The following ARHGAP15 variants were observed in gnomAD, a reference collection of about 807,000 sequenced individuals.
The protein encoded by ARHGAP15 is rho GTPase-activating protein 15.
Under a neutral mutation model 63.7 loss-of-function variants are expected in ARHGAP15, and 51 were observed. The observed-to-expected ratio is 0.80, with a 90% CI of 0.64 to 1.01. ARHGAP15 has a LOEUF of 1.01. ARHGAP15 is among the 50% of genes least tolerant of loss of function. The pLI, the probability that ARHGAP15 is intolerant of heterozygous loss-of-function variation, is 0.00. For synonymous variants in ARHGAP15, 191 were observed against 193.8 expected (o/e 0.99, Z 0.12); for missense variants, 560 against 564.6 (o/e 0.99, Z 0.08).
intron 6 of ARHGAP15, among the ~76,000 whole-genome samples, chr2:143,415,559 C>A (rs909563371): frequency 5.9e-5 from 9 of 152,092 alleles, no homozygotes; most frequent in Non-Finnish European, 1.3e-4. Context: ...TAAATTGGGA[C>A]ACCATTCTCA....
At chr2:143,671,936 G>C (rs965469328) in intron 12 of ARHGAP15, among the ~76,000 whole-genome samples, 4 of 152,110 alleles carry the variant, frequency 2.6e-5, no homozygotes, top group African/African-American at 9.7e-5. Context: ...CTGAAGATAA[G>C]AGAATTGTCA....
At position 143,614,882 on chromosome 2, in the gene ARHGAP15, G is replaced by A. The variant is rs186738409; in HGVS notation, c.1004-9251G>A. ...AGATAGCTAGGCATCACAAACTATC[G>A]GCAGAGACCGGGAATTGGTGCCACA... On this transcript the variant is annotated intron_variant, in intron 11 of 13. Transcript: ENST00000295095. Among the ~76,000 whole-genome samples the A allele has an allele frequency of 2.9e-3, 446 of 152,274 alleles. 4 individuals are homozygous for A. The highest frequency in any genetic ancestry group is 9.8e-3 in the African/African-American group (407 of 41,542).
intron 13 of ARHGAP15, among the ~76,000 whole-genome samples, chr2:143,724,467 G>A (rs1272533524): frequency 6.6e-6 from 1 of 152,170 alleles, no homozygotes; most frequent in Non-Finnish European, 1.5e-5. Flanking sequence ...ACTACCCCTG[G>A]TGTAAAATTG....
intron 6 of ARHGAP15, among the ~76,000 whole-genome samples, chr2:143,383,717 A>G (rs986774787): frequency 1.3e-5 from 2 of 152,204 alleles, no homozygotes; most frequent in African/African-American, 2.4e-5. Flanking sequence ...AAAACCAGTA[A>G]TTATGTGCCT....
chr2:143,232,364 C>T (rs1179111829), intron 5 of ARHGAP15, among the ~76,000 whole-genome samples: 1 of 152,142 alleles, frequency 6.6e-6, no homozygotes, highest in African/African-American at 2.4e-5. Flanking sequence ...CTCTTTTGCT[C>T]ATCAAGACAG....
At chr2:143,611,170 T>C (rs1455710213) in intron 11 of ARHGAP15, among the ~76,000 whole-genome samples, 2 of 152,190 alleles carry the variant, frequency 1.3e-5, no homozygotes, top group Non-Finnish European at 2.9e-5. Flanking sequence ...TCATGTTGTT[T>C]GTTAGTTTTT....
At chr2:143,342,854 A>G (rs558897208) in intron 6 of ARHGAP15, among the ~76,000 whole-genome samples, 1 of 152,144 alleles carries the variant, frequency 6.6e-6, no homozygotes, top group East Asian at 1.9e-4. Flanking sequence ...TAATATTGAC[A>G]ATATTAATCA....
intron 13 of ARHGAP15, among the ~76,000 whole-genome samples, chr2:143,720,242 A>C (rs1326730136): frequency 6.6e-6 from 1 of 152,214 alleles, no homozygotes; most frequent in Non-Finnish European, 1.5e-5. Context: ...CACACAACAC[A>C]GCAGTTTAGT....
intron 6 of ARHGAP15, among the ~76,000 whole-genome samples, chr2:143,333,236 T>C (rs1040014896): frequency 2.0e-5 from 3 of 152,216 alleles, no homozygotes; most frequent in Non-Finnish European, 4.4e-5. Flanking sequence ...ATATGACTTT[T>C]CTGAAAGGCT....
chr2:143,355,896 G>T (rs1359512079), intron 6 of ARHGAP15, among the ~76,000 whole-genome samples: 1 of 152,068 alleles, frequency 6.6e-6, no homozygotes, highest in African/African-American at 2.4e-5. Context: ...AGCATGATGG[G>T]TCTCCAACAA....
At chr2:143,426,279 T>C (rs1050969639) in intron 6 of ARHGAP15, among the ~76,000 whole-genome samples, 1 of 152,212 alleles carries the variant, frequency 6.6e-6, no homozygotes, top group Non-Finnish European at 1.5e-5. Context: ...AATATAATGA[T>C]GATAATAGAG....
chr2:143,230,791 G>A (rs1303490125), intron 5 of ARHGAP15, among the ~76,000 whole-genome samples: 1 of 152,084 alleles, frequency 6.6e-6, no homozygotes, highest in East Asian at 1.9e-4. Flanking sequence ...AAGATGCTGT[G>A]GTTTTATTTT....
chr2:143,165,305 G>A (rs1690457283), intron 2 of ARHGAP15, among the ~76,000 whole-genome samples: 1 of 152,064 alleles, frequency 6.6e-6, no homozygotes, highest in African/African-American at 2.4e-5. Flanking sequence ...TGTGAAGGAA[G>A]AATAGTGATG....
chr2:143,242,231 G>A lies in ARHGAP15; in HGVS notation c.385-8280G>A, dbSNP rs114527252. On this transcript the variant is annotated intron_variant, in intron 5 of 13. Coordinates refer to ENST00000295095, the MANE Select transcript of ARHGAP15 (RefSeq NM_018460.4). ...TATAGTCTGGCAGCCTAGGGGGAAA[G>A]TCTGGTATTCCAAGAAGGTGGCTGG... Among the ~76,000 whole-genome samples the A allele has an allele frequency of 8.7e-3, 1,329 of 152,304 alleles. 24 individuals are homozygous for A. Among genetic ancestry groups the A allele is most frequent in the African/African-American group, 0.03 (1,259 of 41,574 alleles).
intron 5 of ARHGAP15, chr2:143,237,106 T>C (rs924833874): frequency 1.3e-5 from 2 of 152,128 alleles, no homozygotes; most frequent in African/African-American, 2.4e-5. Context: ...CAATATGAAA[T>C]ATTCTCAAAT....
intron 8 of ARHGAP15, among the ~76,000 whole-genome samples, chr2:143,485,489 G>C (rs1181531250): frequency 6.6e-6 from 1 of 151,972 alleles, no homozygotes; most frequent in Non-Finnish European, 1.5e-5. Context: ...TCTTTTCAGA[G>C]TTCTTTTACA....
At chr2:143,516,074 C>T (rs1396032888) in intron 9 of ARHGAP15, among the ~76,000 whole-genome samples, 4 of 152,162 alleles carry the variant, frequency 2.6e-5, no homozygotes, top group Non-Finnish European at 5.9e-5. Flanking sequence ...TGTTGCCCCA[C>T]CACATGCTCC....
At chr2:143,171,462 T>C (rs1374348684) in intron 2 of ARHGAP15, among the ~76,000 whole-genome samples, 2 of 152,016 alleles carry the variant, frequency 1.3e-5, no homozygotes, top group African/African-American at 4.8e-5. Flanking sequence ...CTGGAGAGTA[T>C]AGTAACCACA....
chr2:143,616,202 G>A (rs1698444519), intron 11 of ARHGAP15, among the ~76,000 whole-genome samples: 1 of 152,164 alleles, frequency 6.6e-6, no homozygotes, highest in Admixed American at 6.5e-5. Flanking sequence ...ATGGGAAGAT[G>A]TTTTATGTTA....
Sources: gnomAD v4.1 joint callset for allele counts (sites outside exome capture counted in the v4.1 genomes callset) on GRCh38, gnomAD v4.1.1 for gene constraint, MANE v1.5 for transcripts, NCBI Gene and HGNC (gene_info 2026-07-23, HGNC 2026-07-21) for gene names.